EEA1: variants seen among roughly 807,000 people sequenced by gnomAD.
EEA1 encodes the protein early endosome antigen 1.
In EEA1, 111 loss-of-function variants were observed where a neutral mutation model predicts 209.2. The observed-to-expected ratio is 0.53, with a 90% CI of 0.45 to 0.62. The LOEUF (loss-of-function observed/expected upper bound fraction) is 0.62, where lower values mean the gene tolerates loss of function less well. Ranked by LOEUF, EEA1 falls within the 20% of genes least tolerant of loss-of-function variation. The pLI, the probability that EEA1 is intolerant of heterozygous loss-of-function variation, is 0.00. For synonymous variants in EEA1, 536 were observed against 540.6 expected (o/e 0.99, Z 0.12); for missense variants, 1,343 against 1,530.8 (o/e 0.88, Z 2.05).
chr12:92,851,206 T>C lies in EEA1; in HGVS notation c.703A>G (p.Thr235Ala), dbSNP rs767355282. 1.2e-6 allele frequency: 2 copies of C among 1,613,998 alleles called. No individual in the cohort carries two copies. The highest frequency in any genetic ancestry group is 1.7e-6 in the Non-Finnish European group (2 of 1,179,916). Reference sequence around the variant, plus strand: ...TCCAAGGTCATGTTATCCATTAGTGTTTGAACTTGGACCAGTTCTTTCTTT... The same window carrying C: ...TCCAAGGTCATGTTATCCATTAGTGCTTGAACTTGGACCAGTTCTTTCTTT... ...VLKKELVQVQTLMDNMTLERE... is the reference protein window; with the variant it reads ...VLKKELVQVQALMDNMTLERE... The change falls in exon 9 of 29, where the codon ACA becomes GCA. Residue 235 changes from threonine (T) to alanine (A), a missense_variant. By Grantham distance (58) the Thr-to-Ala change is moderately conservative (BLOSUM62 0). Coordinates refer to ENST00000322349, the MANE Select transcript of EEA1 (RefSeq NM_003566.4).
At chr12:92,777,250 CTTCT>C (rs1197064128) in intron 27 of EEA1, among the ~76,000 whole-genome samples, 4 of 151,852 alleles carry the variant, frequency 2.6e-5, no homozygotes, top group Non-Finnish European at 4.4e-5. Context: ...ACTCAGATCG[CTTCT>C]TTAACACATA....
intron 9 of EEA1, among the ~76,000 whole-genome samples, chr12:92,850,702 A>G (rs1205227744): frequency 6.7e-6 from 1 of 149,816 alleles, no homozygotes; most frequent in Non-Finnish European, 1.5e-5. Context: ...AAAAAAAAAA[A>G]AAAAAAAAAA....
chr12:92,859,736 G>A (rs570798565), intron 3 of EEA1, among the ~76,000 whole-genome samples: 1 of 152,340 alleles, frequency 6.6e-6, no homozygotes, highest in South Asian at 2.1e-4. Flanking sequence ...CACACCAGAT[G>A]CTGAAAATGT....
chr12:92,795,405 G>A (rs1874615320), intron 21 of EEA1, among the ~76,000 whole-genome samples: 1 of 152,114 alleles, frequency 6.6e-6, no homozygotes, highest in African/African-American at 2.4e-5. Flanking sequence ...ACAAGAACAG[G>A]TCCCATGTCT....
At chr12:92,800,502 T>TA (rs948743756) in intron 20 of EEA1, among the ~76,000 whole-genome samples, 8 of 152,206 alleles carry the variant, frequency 5.3e-5, no homozygotes, top group African/African-American at 1.7e-4. Flanking sequence ...GAAAAAATGT[T>TA]AGTGTTATAT....
chr12:92,851,657 T>C (rs1189587188), intron 8 of EEA1, among the ~76,000 whole-genome samples: 1 of 152,126 alleles, frequency 6.6e-6, no homozygotes, highest in East Asian at 1.9e-4. Flanking sequence ...CCAGGTTGGA[T>C]GTAGTTAATT....
chr12:92,772,122 G>C lies in EEA1; in HGVS notation c.*3889C>G, dbSNP rs577370988. Reference sequence around the variant, plus strand: ...AATAGCAAAAAACAATGGCACATTGGGCCTTCCAAAAAGTATCTTTGGGGA... The same window carrying C: ...AATAGCAAAAAACAATGGCACATTGCGCCTTCCAAAAAGTATCTTTGGGGA... On this transcript the variant is annotated 3_prime_UTR_variant, in exon 29 of 29. Transcript: ENST00000322349. The C allele has an allele frequency of 6.6e-6, 1 of 150,762 alleles. No individual in the cohort carries two copies. The highest frequency in any genetic ancestry group is 2.4e-5 in the African/African-American group (1 of 41,146). 9.3% of individuals were successfully genotyped at this position (150,762 alleles called of 1,614,324 possible). A position where few individuals can be genotyped will look rare whatever the true frequency, so the allele number is the denominator to read the frequency against.
rs904058279 is a variant in EEA1 at position 92,809,094 on chromosome 12, T to C, written c.2262A>G (p.Gln754=). 11 of 1,607,862 alleles carry C rather than the reference T, an allele frequency of 6.8e-6. No homozygotes were observed. Among genetic ancestry groups the C allele is most frequent in the Non-Finnish European group, 9.3e-6 (11 of 1,176,618 alleles). Residue 754 remains glutamine, a synonymous_variant, in exon 18 of 29, where the codon CAA becomes CAG. Coordinates refer to ENST00000322349, the MANE Select transcript of EEA1 (RefSeq NM_003566.4). ...AATCTGTGTTCAGCTGTCTTTGCTG[T>C]TGTAGATCTTGCAAAGCCTGCTCCT... The part of the protein sequence containing the change: ...ASKEQALQDL[Q]QQRQLNTDLE...
intron 1 of EEA1, among the ~76,000 whole-genome samples, chr12:92,904,491 G>C (rs1401823651): frequency 6.6e-6 from 1 of 152,080 alleles, no homozygotes; most frequent in East Asian, 1.9e-4. Context: ...CAATTTAATT[G>C]AATTCTGACA....
intron 21 of EEA1, among the ~76,000 whole-genome samples, chr12:92,797,993 T>C (rs1874732459): frequency 6.6e-6 from 1 of 152,204 alleles, no homozygotes; most frequent in Admixed American, 6.5e-5. Context: ...CCAATTAACA[T>C]GGACATACTA....
intron 2 of EEA1, among the ~76,000 whole-genome samples, chr12:92,889,455 A>G (rs1411111755): frequency 6.6e-6 from 1 of 151,872 alleles, no homozygotes; most frequent in Non-Finnish European, 1.5e-5. Flanking sequence ...ATAAAAATAA[A>G]TCAAAATATA....
intron 1 of EEA1, among the ~76,000 whole-genome samples, chr12:92,897,351 T>C (rs1879929293): frequency 6.6e-6 from 1 of 152,230 alleles, no homozygotes; most frequent in South Asian, 2.1e-4. Flanking sequence ...ACCAATCAGA[T>C]GTTTGCACAG....
At chr12:92,834,240 T>C (rs1434877479) in intron 10 of EEA1, among the ~76,000 whole-genome samples, 2 of 151,870 alleles carry the variant, frequency 1.3e-5, no homozygotes, top group African/African-American at 2.4e-5. Flanking sequence ...TCCAGAGAGA[T>C]GATAAAAGTA....
rs1272215714 is a variant in EEA1, at chr12:92,787,897, A to G, written c.3120T>C (p.Ser1040=). Reference sequence around the variant, plus strand: ...GATCTTGCCTGGTGGCTAGAAGTTCAGATTCCCTCCCATAGAAATCAGATT... The same window carrying G: ...GATCTTGCCTGGTGGCTAGAAGTTCGGATTCCCTCCCATAGAAATCAGATT... ...QLQSDFYGRE[S]ELLATRQDLK... The change falls in exon 22 of 29, where the codon TCT becomes TCC. Residue 1040 remains serine, a synonymous_variant. Transcript: ENST00000322349. 4 of 1,610,666 alleles carry G rather than the reference A, an allele frequency of 2.5e-6. No individual in the cohort carries two copies. The African/African-American group carries it at 5.4e-5, about 22-fold the overall frequency.
chr12:92,867,335 G>A (rs148780099), intron 2 of EEA1, among the ~76,000 whole-genome samples: 1 of 152,126 alleles, frequency 6.6e-6, no homozygotes, highest in African/African-American at 2.4e-5. Flanking sequence ...GTAATACACA[G>A]CATATTGGAT....
At chr12:92,866,058 G>A (rs1408163477) in intron 2 of EEA1, among the ~76,000 whole-genome samples, 1 of 151,674 alleles carries the variant, frequency 6.6e-6, no homozygotes, top group African/African-American at 2.4e-5. Flanking sequence ...CGGGTGTGGT[G>A]GCACACACGT....
At chr12:92,886,804 C>T (rs899123768) in intron 2 of EEA1, among the ~76,000 whole-genome samples, 5 of 152,012 alleles carry the variant, frequency 3.3e-5, no homozygotes, top group Non-Finnish European at 5.9e-5. Flanking sequence ...CGAGACCATC[C>T]TGGCTAACAT....
At chr12:92,924,201 C>CTTTTTTTT (rs754907902) in intron 1 of EEA1, among the ~76,000 whole-genome samples, 1 of 94,530 alleles carries the variant, frequency 1.1e-5, no homozygotes, top group Admixed American at 1.1e-4. Flanking sequence ...ACATTTAAGA[C>CTTTTTTTT]TTTTTTTTTT....
Position 92,822,731 on chromosome 12 carries a change from T to G in EEA1, c.1525-3220A>C, listed in dbSNP as rs374751787. Reference sequence around the variant, plus strand: ...CTCTCTTCTGGCTGATCACATCTACTCTAATAATTCCATTTACTTCATATA... The same window carrying G: ...CTCTCTTCTGGCTGATCACATCTACGCTAATAATTCCATTTACTTCATATA... On this transcript the variant is annotated intron_variant, in intron 13 of 28. Transcript: ENST00000322349. Among the ~76,000 whole-genome samples, 3 of 152,182 alleles carry G rather than the reference T, an allele frequency of 2.0e-5. No homozygotes were observed. The South Asian group carries it at 6.2e-4, about 32-fold the overall frequency.
Sources: gnomAD v4.1 joint callset for allele counts (sites outside exome capture counted in the v4.1 genomes callset) on GRCh38, gnomAD v4.1.1 for gene constraint, MANE v1.5 for transcripts, NCBI Gene and HGNC (gene_info 2026-07-23, HGNC 2026-07-21) for gene names.